Variants in MRPL48 observed in about 807,000 individuals in gnomAD.
MRPL48 encodes large ribosomal subunit protein mL48.
MRPL48 carries 16 observed loss-of-function variants against 32.9 expected under a neutral mutation model. That is an observed-to-expected ratio of 0.49 (90% CI 0.33 to 0.74). MRPL48 has a LOEUF of 0.74. Ranked by LOEUF, MRPL48 falls within the 30% of genes least tolerant of loss-of-function variation. The pLI, the probability that MRPL48 is intolerant of heterozygous loss-of-function variation, is 0.02. For synonymous variants in MRPL48, 94 were observed against 89.2 expected (o/e 1.05, Z -0.31); for missense variants, 206 against 245.3 (o/e 0.84, Z 1.07).
At chr11:73,824,414 G>A (rs146498922) in intron 3 of MRPL48, among the ~76,000 whole-genome samples, 2 of 151,748 alleles carry the variant, frequency 1.3e-5, no homozygotes, top group Non-Finnish European at 1.5e-5. Flanking sequence ...GTGAAACCCC[G>A]ACTCTACTGA....
chr11:73,831,988 T>A (rs1282055713), intron 4 of MRPL48, among the ~76,000 whole-genome samples: 4 of 147,454 alleles, frequency 2.7e-5, no homozygotes, highest in Non-Finnish European at 6.0e-5. Context: ...AGTCATCACA[T>A]TTGTATAGCA....
chr11:73,790,525 C>T (rs1331237264), intron 1 of MRPL48, among the ~76,000 whole-genome samples: 7 of 150,918 alleles, frequency 4.6e-5, no homozygotes, highest in Admixed American at 3.3e-4. Flanking sequence ...GCTGGGGCTA[C>T]GGGTGCCCGC....
chr11:73,836,581 T>C (rs1043303272), intron 4 of MRPL48, among the ~76,000 whole-genome samples: 3 of 152,154 alleles, frequency 2.0e-5, no homozygotes, highest in Non-Finnish European at 2.9e-5. Context: ...TTTATAGCCT[T>C]ATAAACATAT....
In MRPL48 at chr11:73,808,320, A is replaced by C; in HGVS notation, c.82A>C (p.Thr28Pro). The C allele has an allele frequency of 6.2e-7, 1 of 1,607,848 alleles. No homozygotes were observed. The highest frequency in any genetic ancestry group is 1.1e-5 in the South Asian group (1 of 89,794). ...KQAFSLLRFR[T>P]SGEKPIYSVG... is the part of the protein sequence containing the mutation. ...CTTTCTCCCTCCTTTTAGGTTTAGA[A>C]CTTCAGGAGAGAAGCCCATCTATTC... Residue 28 changes from threonine (T) to proline (P), a missense_variant, in exon 3 of 8, where the codon ACT becomes CCT. By Grantham distance (38) the Thr-to-Pro change is conservative. Coordinates refer to ENST00000310614, the MANE Select transcript of MRPL48 (RefSeq NM_016055.6).
chr11:73,825,054 T>C (rs569534498), intron 3 of MRPL48, among the ~76,000 whole-genome samples: 69 of 152,308 alleles, frequency 4.5e-4, no homozygotes, highest in African/African-American at 1.5e-3. Context: ...GAGGTTTTAA[T>C]ATAGTTATTG....
chr11:73,828,612 A>G (rs941862997), intron 4 of MRPL48, among the ~76,000 whole-genome samples: 1 of 152,192 alleles, frequency 6.6e-6, no homozygotes, highest in African/African-American at 2.4e-5. Context: ...GACACAGACA[A>G]TATACTTCCA....
At chr11:73,801,268 A>G (rs1206942010) in intron 1 of MRPL48, among the ~76,000 whole-genome samples, 1 of 151,930 alleles carries the variant, frequency 6.6e-6, no homozygotes, top group Non-Finnish European at 1.5e-5. Context: ...ATTTAAAAAT[A>G]TATTCTGTTC....
At position 73,801,053 on chromosome 11, in the gene MRPL48, C is replaced by T. The variant is rs187300528; in HGVS notation, c.22-3974C>T. 2.7e-3 allele frequency among the ~76,000 whole-genome samples: 408 copies of T among 152,108 alleles called. 2 individuals are homozygous for T. The highest frequency in any genetic ancestry group is 9.3e-3 in the African/African-American group (385 of 41,510). ...CTCAAACTCCGGACCTCAGGTGATCCGCCCACCTCGGCCTCCCAAAGTGCT... is the reference window on the plus strand; with the variant it reads ...CTCAAACTCCGGACCTCAGGTGATCTGCCCACCTCGGCCTCCCAAAGTGCT... On this transcript the variant is annotated intron_variant, in intron 1 of 7. Transcript: ENST00000310614.
intron 4 of MRPL48, among the ~76,000 whole-genome samples, chr11:73,836,598 T>C (rs912833515): frequency 6.6e-5 from 10 of 152,188 alleles, no homozygotes; most frequent in African/African-American, 2.4e-4. Context: ...ATATATATTA[T>C]TTAAGCCTTA....
At chr11:73,821,973 T>A (rs774082023) in intron 3 of MRPL48, among the ~76,000 whole-genome samples, 7 of 152,142 alleles carry the variant, frequency 4.6e-5, no homozygotes, top group Non-Finnish European at 1.0e-4. Flanking sequence ...TGAGTCATAA[T>A]AAAATCTTCG....
At chr11:73,811,944 G>A (rs1947574201) in intron 3 of MRPL48, among the ~76,000 whole-genome samples, 1 of 151,964 alleles carries the variant, frequency 6.6e-6, no homozygotes, top group South Asian at 2.1e-4. Context: ...CAAGTGCAAT[G>A]GCGAGATCTT....
chr11:73,854,175 T>C (rs914472106), intron 5 of MRPL48, among the ~76,000 whole-genome samples: 1 of 152,210 alleles, frequency 6.6e-6, no homozygotes, highest in African/African-American at 2.4e-5. Context: ...AACCACGGAA[T>C]TGCTGTTTTC....
At chr11:73,833,178 G>A (rs1482147983) in intron 4 of MRPL48, among the ~76,000 whole-genome samples, 1 of 151,684 alleles carries the variant, frequency 6.6e-6, no homozygotes, top group Admixed American at 6.6e-5. Flanking sequence ...GCACTGGGTA[G>A]GTAAAGCTGA....
chr11:73,798,994 C>CAAAAAAAA (rs113432463), intron 1 of MRPL48, among the ~76,000 whole-genome samples: 1 of 128,456 alleles, frequency 7.8e-6, no homozygotes, highest in African/African-American at 2.8e-5. Context: ...CCCTCTCAAG[C>CAAAAAAAA]AAAAAAAAAA....
intron 5 of MRPL48, chr11:73,850,822 A>G (rs34224361): frequency 0.051 from 11,591 of 226,860 alleles, 334 homozygotes; most frequent in Middle Eastern, 0.082. Context: ...GACTACAGGC[A>G]CCTGCCACAA....
rs370658544 is a variant in MRPL48 at position 73,791,326 on chromosome 11, C to T, written c.21+3334C>T. Among the ~76,000 whole-genome samples, 76 of 152,272 alleles carry T rather than the reference C, an allele frequency of 5.0e-4. No individual in the cohort carries two copies. The South Asian group carries it at 0.016, about 31-fold the overall frequency. ...TTTTCTTCTTTGTAACCCATACAGC[C>T]CATTATACTGATCTAACATAGGATA... On this transcript the variant is annotated intron_variant, in intron 1 of 7. Coordinates refer to ENST00000310614, the MANE Select transcript of MRPL48 (RefSeq NM_016055.6).
intron 1 of MRPL48, among the ~76,000 whole-genome samples, chr11:73,799,141 T>G (rs954806680): frequency 6.6e-6 from 1 of 152,204 alleles, no homozygotes; most frequent in African/African-American, 2.4e-5. Flanking sequence ...GTAAACTCCT[T>G]GTAAGCTTTG....
chr11:73,833,647 G>A (rs1390799028), intron 4 of MRPL48, among the ~76,000 whole-genome samples: 1 of 151,980 alleles, frequency 6.6e-6, no homozygotes, highest in Non-Finnish European at 1.5e-5. Flanking sequence ...AATATTGACA[G>A]AGAAACTCAG....
At chr11:73,838,248 G>A (rs1948137253) in intron 4 of MRPL48, among the ~76,000 whole-genome samples, 1 of 152,184 alleles carries the variant, frequency 6.6e-6, no homozygotes, top group East Asian at 1.9e-4. Flanking sequence ...GAAAAATTGT[G>A]TAGATAAAAT....
Sources: allele counts gnomAD v4.1 joint callset (sites outside exome capture counted in the v4.1 genomes callset), GRCh38; gene constraint gnomAD v4.1.1; transcripts MANE v1.5; gene names NCBI Gene and HGNC (gene_info 2026-07-23, HGNC 2026-07-21).